The following MYO1D variants were observed in gnomAD, a reference collection of about 807,000 sequenced individuals.
MYO1D encodes myosin ID.
Under a neutral mutation model 122.0 loss-of-function variants are expected in MYO1D, and 83 were observed. The observed-to-expected ratio is 0.68, with a 90% CI of 0.57 to 0.82. The LOEUF (loss-of-function observed/expected upper bound fraction) is 0.82. Among genes scored for constraint, MYO1D ranks in the 40% least tolerant of loss-of-function variants. MYO1D has a pLI of 0.00. For missense variants in MYO1D, 1,157 were observed against 1,269.5 expected (o/e 0.91, Z 1.35); for synonymous variants, 464 against 446.9 (o/e 1.04, Z -0.48).
intron 16 of MYO1D, among the ~76,000 whole-genome samples, chr17:32,690,010 G>A (rs1054561999): frequency 6.6e-6 from 1 of 152,120 alleles, no homozygotes; most frequent in African/African-American, 2.4e-5. Context: ...ATAGGCATAA[G>A]CTACTGCGCC....
chr17:32,542,404 C>T (rs796722415), intron 21 of MYO1D, among the ~76,000 whole-genome samples: 7 of 152,202 alleles, frequency 4.6e-5, no homozygotes, highest in African/African-American at 1.7e-4. Context: ...CTCCGTGGTG[C>T]GACAGGGAGG....
chr17:32,644,357 G>A (rs993615046), intron 19 of MYO1D, among the ~76,000 whole-genome samples: 39 of 152,014 alleles, frequency 2.6e-4, no homozygotes, highest in African/African-American at 9.4e-4. Flanking sequence ...TTTGGAATAA[G>A]TGCGGCGTGG....
Position 32,494,650 on chromosome 17 carries a change from AG to A in MYO1D, c.*108del, listed in dbSNP as rs1289731873. 9 of 1,296,990 alleles carry A rather than the reference AG, an allele frequency of 6.9e-6. No homozygotes were observed. Among genetic ancestry groups the A allele is most frequent in the Non-Finnish European group, 9.3e-6 (9 of 966,686 alleles). The allele number at this position is 1,296,990 out of a possible 1,614,324, so 80.3% of individuals were successfully genotyped here. On this transcript the variant is annotated 3_prime_UTR_variant, in exon 22 of 22. Coordinates refer to ENST00000318217, the MANE Select transcript of MYO1D (RefSeq NM_015194.3). Reference sequence around the variant, plus strand: ...CTTACAGGGGCGGGGCTCCTCTGGGAGGGGCCCTCGCAGCAGGTTTCTAGCG... The same window carrying A: ...CTTACAGGGGCGGGGCTCCTCTGGGAGGGCCCTCGCAGCAGGTTTCTAGCG...
chr17:32,648,891 AT>A (rs1032343966), intron 19 of MYO1D, among the ~76,000 whole-genome samples: 4 of 151,324 alleles, frequency 2.6e-5, no homozygotes, highest in Non-Finnish European at 4.4e-5. Context: ...TTGCATTGAG[AT>A]TTTTTTTTAT....
intron 17 of MYO1D, among the ~76,000 whole-genome samples, chr17:32,657,001 C>T (rs1227731318): frequency 6.6e-6 from 1 of 152,174 alleles, no homozygotes; most frequent in Non-Finnish European, 1.5e-5. Flanking sequence ...GATTCAGGAC[C>T]TGACCTATAC....
At chr17:32,765,682 C>T (rs1360077053) in intron 7 of MYO1D, among the ~76,000 whole-genome samples, 6 of 151,948 alleles carry the variant, frequency 3.9e-5, no homozygotes, top group Non-Finnish European at 8.8e-5. Flanking sequence ...ATGGTCTCGA[C>T]CTCCTGACCT....
At chr17:32,634,594 T>A (rs1415159275) in intron 20 of MYO1D, among the ~76,000 whole-genome samples, 2 of 152,194 alleles carry the variant, frequency 1.3e-5, no homozygotes, top group African/African-American at 4.8e-5. Flanking sequence ...CTGGAGGCAG[T>A]TAAGGAAACA....
chr17:32,596,451 C>T (rs1052876133), intron 21 of MYO1D, among the ~76,000 whole-genome samples: 6 of 152,186 alleles, frequency 3.9e-5, no homozygotes, highest in Non-Finnish European at 8.8e-5. Flanking sequence ...GGCCTCACCT[C>T]CCCTGGCTCC....
intron 1 of MYO1D, among the ~76,000 whole-genome samples, chr17:32,829,429 T>A (rs78359010): frequency 0.049 from 7,466 of 152,270 alleles, 286 homozygotes; most frequent in East Asian, 0.19. Flanking sequence ...TTTCTAGGGG[T>A]AGGAACTTGA....
rs756004875 is a variant in MYO1D at position 32,605,190 on chromosome 17, T to C, written c.2761A>G (p.Thr921Ala). ...NGKDQLVVFHTKDNKDLIVCL... is the reference protein window; with the variant it reads ...NGKDQLVVFHAKDNKDLIVCL... ...ACAATGAGGTCTTTGTTGTCTTTCG[T>C]ATGGAACACTACAAGTTGGTCCTTT... Residue 921 changes from threonine to alanine, a missense_variant, in exon 21 of 22, where the codon ACG becomes GCG. By Grantham distance (58) the Thr-to-Ala change is moderately conservative. Coordinates refer to ENST00000318217, the MANE Select transcript of MYO1D (RefSeq NM_015194.3). The C allele has an allele frequency of 9.9e-6, 16 of 1,608,390 alleles. No homozygotes were observed. Among genetic ancestry groups the C allele is most frequent in the Middle Eastern group, 3.3e-4 (2 of 6,070 alleles).
At chr17:32,507,548 A>G (rs985779746) in intron 21 of MYO1D, among the ~76,000 whole-genome samples, 1 of 152,246 alleles carries the variant, frequency 6.6e-6, no homozygotes, top group Non-Finnish European at 1.5e-5. Context: ...CCTGTGAATT[A>G]GCATCACATA....
At chr17:32,586,137 T>C (rs541693376) in intron 21 of MYO1D, among the ~76,000 whole-genome samples, 11 of 152,336 alleles carry the variant, frequency 7.2e-5, no homozygotes, top group South Asian at 6.2e-4. Context: ...TGGTAAGGAA[T>C]GCATGCCATG....
chr17:32,784,824 T>C (rs988605060), intron 1 of MYO1D, among the ~76,000 whole-genome samples: 1 of 151,848 alleles, frequency 6.6e-6, no homozygotes, highest in Non-Finnish European at 1.5e-5. Flanking sequence ...GAAGATACTG[T>C]GGGGAGGGGT....
At chr17:32,777,606 T>TG (rs763565215) in intron 3 of MYO1D, among the ~76,000 whole-genome samples, 4 of 152,224 alleles carry the variant, frequency 2.6e-5, no homozygotes, top group Non-Finnish European at 5.9e-5. Flanking sequence ...ATTACTCATC[T>TG]TCCCATGAGC....
intron 21 of MYO1D, among the ~76,000 whole-genome samples, chr17:32,576,192 C>A (rs978141653): frequency 3.3e-5 from 5 of 152,138 alleles, no homozygotes; most frequent in Admixed American, 6.5e-5. Flanking sequence ...GGAGAACTTG[C>A]CAGCTTGCTA....
At chr17:32,700,686 G>GT (rs1435711452) in intron 16 of MYO1D, among the ~76,000 whole-genome samples, 1 of 152,158 alleles carries the variant, frequency 6.6e-6, no homozygotes, top group African/African-American at 2.4e-5. Flanking sequence ...GCTTACACCT[G>GT]TAATCCCAGC....
At chr17:32,498,812 T>C (rs530601342) in intron 21 of MYO1D, 1 of 152,388 alleles carries the variant, frequency 6.6e-6, no homozygotes, top group East Asian at 1.9e-4. Context: ...CATTTTAGCA[T>C]AGCTCACAAA....
At chr17:32,533,645 C>A (rs140398541) in intron 21 of MYO1D, among the ~76,000 whole-genome samples, 1 of 152,282 alleles carries the variant, frequency 6.6e-6, no homozygotes, top group Non-Finnish European at 1.5e-5. Context: ...GATCCGCTGA[C>A]CTCTCCAGCT....
Position 32,805,321 on chromosome 17 carries a change from T to C in MYO1D, c.96-24537A>G, listed in dbSNP as rs569325613. Among the ~76,000 whole-genome samples the C allele has an allele frequency of 1.4e-3, 216 of 152,280 alleles. 1 individual carries two copies. In the Middle Eastern group the frequency reaches 0.027, roughly 19 times the overall value. On this transcript the variant is annotated intron_variant, in intron 1 of 21. Coordinates refer to ENST00000318217, the MANE Select transcript of MYO1D (RefSeq NM_015194.3). ...CAAACAAACTAAGACATTAGGGAAA[T>C]AAAAAGTACATTATTTATTTTTAAT...
Sources: gnomAD v4.1 joint callset for allele counts (sites outside exome capture counted in the v4.1 genomes callset) on GRCh38, gnomAD v4.1.1 for gene constraint, MANE v1.5 for transcripts, NCBI Gene and HGNC (gene_info 2026-07-23, HGNC 2026-07-21) for gene names.